TMEM230: variants seen among roughly 807,000 people sequenced by gnomAD.
The protein encoded by TMEM230 is UPF0414 transmembrane protein C20orf30.
TMEM230 carries 10 observed loss-of-function variants against 15.8 expected under a neutral mutation model. That is an observed-to-expected ratio of 0.63 (90% CI 0.39 to 1.07). The LOEUF (loss-of-function observed/expected upper bound fraction) is 1.07. Ranked by LOEUF, TMEM230 falls within the 50% of genes least tolerant of loss-of-function variation. TMEM230 has a pLI of 0.01. For missense variants in TMEM230, 165 were observed against 193.3 expected (o/e 0.85, Z 0.87); for synonymous variants, 67 against 76.9 (o/e 0.87, Z 0.68).
At chr20:5,093,525 G>A (rs2089572199) in intron 3 of TMEM230, among the ~76,000 whole-genome samples, 1 of 151,188 alleles carries the variant, frequency 6.6e-6, no homozygotes, top group Non-Finnish European at 1.5e-5. Flanking sequence ...ACAGGCATGA[G>A]CCACTGCGCC....
At chr20:5,069,324 T>C (rs1171803768) in exon 4 of TMEM230, 4 of 1,535,400 alleles carry the variant, frequency 2.6e-6, no homozygotes, top group African/African-American at 1.4e-5. Context: ...AGCTTTCTTT[T>C]GTTCCCGTGA....
chr20:5,063,634 C>A (rs780463175), downstream of TMEM230, among the ~76,000 whole-genome samples: 1 of 152,088 alleles, frequency 6.6e-6, no homozygotes, highest in Admixed American at 6.6e-5. Flanking sequence ...AGGAACTAAG[C>A]TTTCTTTGAG....
chr20:5,087,376 G>C (rs1456509462), intron 3 of TMEM230, among the ~76,000 whole-genome samples: 2 of 151,962 alleles, frequency 1.3e-5, no homozygotes, highest in Non-Finnish European at 2.9e-5. Flanking sequence ...ATCATTGCTA[G>C]GTCTTTGCCA....
chr20:5,108,246 ACT>A (rs1474183819), intron 3 of TMEM230, among the ~76,000 whole-genome samples: 1 of 151,930 alleles, frequency 6.6e-6, no homozygotes, highest in Non-Finnish European at 1.5e-5. Flanking sequence ...ATGGAGAAAC[ACT>A]GTCTCTACTA....
At chr20:5,063,227 A>G in the TMEM230 span, among the ~76,000 whole-genome samples, 72,943 of 150,080 alleles carry the variant, frequency 0.49, 18,215 homozygotes, top group African/African-American at 0.56. Flanking sequence ...GGAGGACTGC[A>G]TAATCCTCCT....
downstream of TMEM230, chr20:5,067,338 A>G (rs1483511318): frequency 6.7e-6 from 1 of 149,568 alleles, no homozygotes; most frequent in African/African-American, 2.5e-5. Context: ...TGCAGTGGGA[A>G]CATGTCAGGT....
intron 3 of TMEM230, among the ~76,000 whole-genome samples, chr20:5,087,404 G>A (rs2089373167): frequency 1.3e-5 from 2 of 151,936 alleles, no homozygotes; most frequent in Non-Finnish European, 2.9e-5. Flanking sequence ...TACACTCCAG[G>A]TGCTTTCCAG....
downstream of TMEM230, among the ~76,000 whole-genome samples, chr20:5,065,699 C>T (rs1186045659): frequency 3.9e-5 from 6 of 152,274 alleles, no homozygotes; most frequent in East Asian, 7.7e-4. Context: ...GCCTGTCTAA[C>T]GCCTGGGCTC....
intron 3 of TMEM230, among the ~76,000 whole-genome samples, chr20:5,092,887 A>G (rs2089552295): frequency 6.6e-6 from 1 of 152,204 alleles, no homozygotes; most frequent in South Asian, 2.1e-4. Context: ...TTTACCTTGC[A>G]TGACAAATTC....
intron 1 of TMEM230, chr20:5,111,871 G>A (rs1051399720): frequency 1.3e-6 from 1 of 792,532 alleles, no homozygotes; most frequent in Non-Finnish European, 1.5e-6. Context: ...TTTTGAGACG[G>A]AGTCTCGCTC....
intron 2 of TMEM230, among the ~76,000 whole-genome samples, chr20:5,110,067 A>C (rs1329070812): frequency 6.6e-6 from 1 of 151,762 alleles, no homozygotes; most frequent in Non-Finnish European, 1.5e-5. Context: ...GTTTGTTTGT[A>C]TTTTTTGGAG....
chr20:5,103,924 A>C (rs944907654), intron 4 of TMEM230, among the ~76,000 whole-genome samples: 11 of 152,178 alleles, frequency 7.2e-5, no homozygotes, highest in Admixed American at 2.0e-4. Context: ...AGCAACCAAA[A>C]CAAAAACAGA....
At chr20:5,089,936 T>G (rs1298316291) in intron 3 of TMEM230, among the ~76,000 whole-genome samples, 2 of 152,008 alleles carry the variant, frequency 1.3e-5, no homozygotes, top group South Asian at 2.1e-4. Context: ...GGATAATCGC[T>G]TGAACCTGGG....
At chr20:5,112,362 C>A (rs1287239452) in intron 1 of TMEM230, among the ~76,000 whole-genome samples, 1 of 152,200 alleles carries the variant, frequency 6.6e-6, no homozygotes. Flanking sequence ...GCATTTAATT[C>A]TATAAAACAA....
At chr20:5,077,911 T>C (rs549049675) in intron 3 of TMEM230, among the ~76,000 whole-genome samples, 135 of 152,210 alleles carry the variant, frequency 8.9e-4, no homozygotes, top group African/African-American at 3.1e-3. Context: ...TTGTGAAATA[T>C]ATACTATGAT....
chr20:5,093,127 CTAAA>C (rs1408352706), intron 3 of TMEM230, among the ~76,000 whole-genome samples: 1 of 151,620 alleles, frequency 6.6e-6, no homozygotes, highest in Non-Finnish European at 1.5e-5. Context: ...CCTGTTAGAA[CTAAA>C]TAAAGTTGTA....
At chr20:5,094,918 ACCT>A (rs1002068982), downstream of TMEM230, among the ~76,000 whole-genome samples, 1 of 151,822 alleles carries the variant, frequency 6.6e-6, no homozygotes, top group Non-Finnish European at 1.5e-5. Context: ...CCTCATGGTC[ACCT>A]CCTATTTCCT....
chr20:5,105,291 T>C (rs754020824), intron 4 of TMEM230, among the ~76,000 whole-genome samples: 1 of 149,116 alleles, frequency 6.7e-6, no homozygotes, highest in East Asian at 2.0e-4. Flanking sequence ...GTCTCCAAAA[T>C]ATATATATAT....
chr20:5,063,571 G>A (rs922221986), downstream of TMEM230, among the ~76,000 whole-genome samples: 1 of 152,080 alleles, frequency 6.6e-6, no homozygotes, highest in African/African-American at 2.4e-5. Context: ...TTAGAGGTGT[G>A]AGCCACCATG....
Sources: allele counts gnomAD v4.1 joint callset (sites outside exome capture counted in the v4.1 genomes callset), GRCh38; gene constraint gnomAD v4.1.1; transcripts MANE v1.5; gene names NCBI Gene and HGNC (gene_info 2026-07-23, HGNC 2026-07-21).